The following LRRC3B variants were observed in gnomAD, a reference collection of about 807,000 sequenced individuals.
LRRC3B encodes the protein leucine-rich repeat-containing protein 3B.
A neutral mutation model predicts 12.8 loss-of-function variants in LRRC3B; 2 were observed. The ratio of observed to expected loss-of-function variants is 0.16; its 90% CI spans 0.06 to 0.49. The LOEUF is 0.49. LRRC3B is among the 20% of genes least tolerant of loss of function. The pLI is 0.96. For missense variants in LRRC3B, 189 were observed against 319.4 expected (o/e 0.59, Z 3.11); for synonymous variants, 132 against 122.0 (o/e 1.08, Z -0.54).
At chr3:26,631,136 G>A (rs540902288) in intron 1 of LRRC3B, among the ~76,000 whole-genome samples, 1 of 152,256 alleles carries the variant, frequency 6.6e-6, no homozygotes, top group East Asian at 1.9e-4. Flanking sequence ...CCAAGATATG[G>A]GATGCCTTTG....
At chr3:26,669,736 T>G (rs1174065656) in intron 1 of LRRC3B, among the ~76,000 whole-genome samples, 1 of 152,260 alleles carries the variant, frequency 6.6e-6, no homozygotes, top group Non-Finnish European at 1.5e-5. Flanking sequence ...TGAATCTTAC[T>G]TAATGTCATA....
At chr3:26,702,383 T>A (rs1700475870) in intron 1 of LRRC3B, among the ~76,000 whole-genome samples, 1 of 152,158 alleles carries the variant, frequency 6.6e-6, no homozygotes, top group Non-Finnish European at 1.5e-5. Context: ...CAGCTGTTGT[T>A]ATTAATGAGC....
chr3:26,628,867 T>C (rs1012673876), intron 1 of LRRC3B, among the ~76,000 whole-genome samples: 15 of 146,072 alleles, frequency 1.0e-4, no homozygotes, highest in Admixed American at 2.7e-4. Context: ...AAAAAAATCC[T>C]CCACAAATAA....
At chr3:26,674,843 C>T (rs1452643384) in intron 1 of LRRC3B, among the ~76,000 whole-genome samples, 4 of 141,214 alleles carry the variant, frequency 2.8e-5, no homozygotes, top group Non-Finnish European at 5.9e-5. Context: ...AGTGAGGTTG[C>T]CCGGCCTAAT....
At position 26,657,953 on chromosome 3, in the gene LRRC3B, T is replaced by C. The variant is rs117774466; in HGVS notation, c.-161+34716T>C. Among the ~76,000 whole-genome samples the C allele has an allele frequency of 3.8e-4, 58 of 152,338 alleles. No individual in the cohort carries two copies. In the East Asian group the frequency reaches 9.4e-3, roughly 25 times the overall value. ...GATATAAGAGAAAATCAGTGAGAGATTGGATACCTTTAGTGACAGAATAAT... is the reference window on the plus strand; with the variant it reads ...GATATAAGAGAAAATCAGTGAGAGACTGGATACCTTTAGTGACAGAATAAT... On this transcript the variant is annotated intron_variant, in intron 1 of 1. Coordinates refer to ENST00000396641, the Ensembl canonical transcript of LRRC3B.
At chr3:26,690,392 A>G (rs1261848388) in intron 1 of LRRC3B, among the ~76,000 whole-genome samples, 1 of 152,152 alleles carries the variant, frequency 6.6e-6, no homozygotes, top group Non-Finnish European at 1.5e-5. Flanking sequence ...ACCAAGAGAG[A>G]ATAAATGCGA....
intron 1 of LRRC3B, among the ~76,000 whole-genome samples, chr3:26,703,498 T>C (rs1346093173): frequency 6.6e-6 from 1 of 152,040 alleles, no homozygotes; most frequent in African/African-American, 2.4e-5. Context: ...GAGTTCTGGT[T>C]GAAGGCTGTT....
intron 1 of LRRC3B, among the ~76,000 whole-genome samples, chr3:26,705,513 C>G (rs1007391890): frequency 7.2e-5 from 11 of 151,964 alleles, no homozygotes; most frequent in South Asian, 2.1e-4. Context: ...GAAAGACAGG[C>G]AGTATTGCTG....
intron 1 of LRRC3B, among the ~76,000 whole-genome samples, chr3:26,655,794 G>C (rs528884161): frequency 1.3e-5 from 2 of 152,094 alleles, no homozygotes; most frequent in Non-Finnish European, 2.9e-5. Flanking sequence ...TGGTTACTAA[G>C]TGTCTGTCAT....
At chr3:26,680,210 C>A (rs1230644483) in intron 1 of LRRC3B, among the ~76,000 whole-genome samples, 2 of 152,176 alleles carry the variant, frequency 1.3e-5, no homozygotes, top group Non-Finnish European at 2.9e-5. Context: ...GGCACAGGTG[C>A]TTCCCAGCCT....
intron 1 of LRRC3B, among the ~76,000 whole-genome samples, chr3:26,696,367 A>G (rs1459214623): frequency 1.3e-5 from 2 of 152,180 alleles, no homozygotes; most frequent in Non-Finnish European, 2.9e-5. Context: ...GTAAAATTTT[A>G]AATTAATAGC....
chr3:26,629,432 T>C lies in LRRC3B; in HGVS notation c.-161+6195T>C, dbSNP rs1309537715. 3.9e-5 allele frequency among the ~76,000 whole-genome samples: 6 copies of C among 152,236 alleles called. No individual in the cohort carries two copies. In the East Asian group the frequency reaches 1.2e-3, roughly 29 times the overall value. On this transcript the variant is annotated intron_variant, in intron 1 of 1. Coordinates refer to ENST00000396641, the Ensembl canonical transcript of LRRC3B. ...AAAGCACAAAGGTCATGAGGTCTCA[T>C]GGCTTTCCCCTGAGTCTTCTAACCT...
At chr3:26,655,291 C>T (rs1326297023) in intron 1 of LRRC3B, among the ~76,000 whole-genome samples, 1 of 152,138 alleles carries the variant, frequency 6.6e-6, no homozygotes, top group East Asian at 1.9e-4. Context: ...ATAGAGCAAA[C>T]ATTATGACCC....
chr3:26,665,790 A>G (rs1345740307), intron 1 of LRRC3B, among the ~76,000 whole-genome samples: 2 of 152,174 alleles, frequency 1.3e-5, no homozygotes, highest in Admixed American at 1.3e-4. Context: ...CACTGTATTC[A>G]TCTTGGTTCT....
intron 1 of LRRC3B, among the ~76,000 whole-genome samples, chr3:26,636,828 C>CCCTCCCTG (rs1698885716): frequency 1.2e-5 from 1 of 83,258 alleles, no homozygotes; most frequent in African/African-American, 6.4e-5. Flanking sequence ...CTCCCTCCCT[C>CCCTCCCTG]CCTCCCTCCC....
intron 1 of LRRC3B, among the ~76,000 whole-genome samples, chr3:26,671,402 A>AGAGAGAGAGAGAGAGAGAGAGAGAGG (rs1699741219): frequency 5.4e-5 from 7 of 129,170 alleles, no homozygotes; most frequent in Non-Finnish European, 1.6e-5. Context: ...AGAGAGAGAG[A>AGAGAGAGAGAGAGAGAGAGAGAGAGG]GAGAGAGAGA....
intron 1 of LRRC3B, among the ~76,000 whole-genome samples, chr3:26,675,437 G>A (rs1411299372): frequency 6.6e-6 from 1 of 152,180 alleles, no homozygotes; most frequent in African/African-American, 2.4e-5. Context: ...TGGTGCTCCA[G>A]AGAGTGAGAA....
At chr3:26,709,984 T>C in exon 2 of LRRC3B, 1 of 1,613,782 alleles carries the variant, frequency 6.2e-7, no homozygotes, top group South Asian at 1.1e-5. Flanking sequence ...AGTTTATCGA[T>C]GAGCATGCCT....
In LRRC3B at chr3:26,671,346, GTGTGTATA is replaced by G. The variant is rs1327145660; in HGVS notation, c.-160-38165_-160-38158del. ...ATCTTATAAATGTGTGTGTATATAT[GTGTGTATA>G]TATATATATATATATATATAGAGAG... On this transcript the variant is annotated intron_variant, in intron 1 of 1. Transcript: ENST00000396641. Among the ~76,000 whole-genome samples the G allele has an allele frequency of 2.5e-3, 141 of 56,348 alleles. 6 individuals carry two copies. Among genetic ancestry groups the G allele is most frequent in the East Asian group, 0.018 (22 of 1,228 alleles). 37.0% of individuals were successfully genotyped at this position (56,348 alleles called of 152,430 possible).
Sources: allele counts gnomAD v4.1 joint callset (sites outside exome capture counted in the v4.1 genomes callset), GRCh38; gene constraint gnomAD v4.1.1; transcripts MANE v1.5; gene names NCBI Gene and HGNC (gene_info 2026-07-23, HGNC 2026-07-21).